Variants in KIAA1549L observed in about 807,000 individuals in gnomAD.
KIAA1549L encodes KIAA1549 like, also known as UPF0606 protein KIAA1549L.
KIAA1549L carries 88 observed loss-of-function variants against 160.7 expected under a neutral mutation model. The observed-to-expected ratio is 0.55, with a 90% confidence interval of 0.46 to 0.65. KIAA1549L has a LOEUF of 0.65. Among genes scored for constraint, KIAA1549L ranks in the 30% least tolerant of loss-of-function variants. The probability of loss-of-function intolerance (pLI) is 0.00; values close to 1 mark genes in which losing one functional copy is unlikely to be tolerated. For missense variants in KIAA1549L, 2,258 were observed against 2,437.5 expected, an observed-to-expected ratio of 0.93 and a Z score of 1.55; for synonymous variants, 950 against 976.7, an observed-to-expected ratio of 0.97 and a Z score of 0.51.
At chr11:33,595,604 C>T (rs981187105) in intron 12 of KIAA1549L, among the ~76,000 whole-genome samples, 6 of 152,148 alleles carry the variant, frequency 3.9e-5, no homozygotes, top group Non-Finnish European at 8.8e-5. Context: ...TAAGAGAAAC[C>T]TCCTCTCTGT....
intron 16 of KIAA1549L, among the ~76,000 whole-genome samples, chr11:33,630,185 C>T (rs1187183507): frequency 0.01 from 1,557 of 149,166 alleles, 31 homozygotes; most frequent in African/African-American, 0.034. Flanking sequence ...CTCTTCAAAG[C>T]TGTCAGACCG....
chr11:33,575,321 T>A (rs1427612368), intron 10 of KIAA1549L, among the ~76,000 whole-genome samples: 2 of 152,138 alleles, frequency 1.3e-5, no homozygotes, highest in African/African-American at 4.8e-5. Flanking sequence ...GCACACAACA[T>A]AGGAAAGTGC....
intron 5 of KIAA1549L, 150 bp from the exon 6 acceptor site, chr11:33,551,958 A>C: frequency 1.2e-6 from 1 of 859,576 alleles, no homozygotes. Context: ...GCCACTTTCA[A>C]AACTACAAGC....
At chr11:33,384,741 C>A (rs1018720039) in intron 1 of KIAA1549L, among the ~76,000 whole-genome samples, 10 of 152,094 alleles carry the variant, frequency 6.6e-5, no homozygotes, top group Non-Finnish European at 1.3e-4. Flanking sequence ...CATGTTCTTA[C>A]TTGCCATCTA....
intron 1 of KIAA1549L, among the ~76,000 whole-genome samples, chr11:33,474,915 T>G (rs1417667244): frequency 1.3e-5 from 2 of 152,190 alleles, no homozygotes; most frequent in Non-Finnish European, 2.9e-5. Flanking sequence ...AGACTTTTTT[T>G]GTTAATTAAG....
intron 1 of KIAA1549L, among the ~76,000 whole-genome samples, chr11:33,516,236 C>G (rs1392274468): frequency 1.6e-5 from 1 of 61,048 alleles, no homozygotes; most frequent in East Asian, 4.3e-4. Flanking sequence ...ACTGCAAGCT[C>G]CGCCTCTCGG....
chr11:33,485,466 T>A (rs1281271515), intron 1 of KIAA1549L, among the ~76,000 whole-genome samples: 3 of 152,216 alleles, frequency 2.0e-5, no homozygotes, highest in Non-Finnish European at 2.9e-5. Context: ...AGTATCTATT[T>A]GTTTTTTAAA....
At chr11:33,424,246 A>C (rs1445220127) in intron 1 of KIAA1549L, among the ~76,000 whole-genome samples, 1 of 152,196 alleles carries the variant, frequency 6.6e-6, no homozygotes, top group East Asian at 1.9e-4. Context: ...CCAGAGAATG[A>C]TAACATCTGC....
rs1852056887 is a variant in KIAA1549L, at chr11:33,656,121, C to G, written c.5858+12C>G. 1.9e-6 allele frequency: 3 copies of G among 1,601,588 alleles called. No homozygotes were observed. The highest frequency in any genetic ancestry group is 2.6e-6 in the Non-Finnish European group (3 of 1,169,514). On this transcript the variant is annotated intron_variant, in intron 18 of 20. Coordinates refer to ENST00000658780, the MANE Select transcript of KIAA1549L (RefSeq NM_012194.3). ...GCTTCTCTCAGGCGGTAACACGTTC[C>G]TTTCTTTGTTTTGTTTGGAATATTT...
At chr11:33,391,070 G>C (rs1213225786) in intron 1 of KIAA1549L, among the ~76,000 whole-genome samples, 1 of 152,234 alleles carries the variant, frequency 6.6e-6, no homozygotes, top group Admixed American at 6.5e-5. Context: ...TCAAGGTAGA[G>C]AGGATGGGAG....
chr11:33,458,514 T>C (rs1298755994), intron 1 of KIAA1549L, among the ~76,000 whole-genome samples: 1 of 152,172 alleles, frequency 6.6e-6, no homozygotes, highest in Admixed American at 6.5e-5. Context: ...CCTGCAATGA[T>C]GGGCAGGCTC....
chr11:33,574,946 A>G (rs2133249048), intron 10 of KIAA1549L, 73 bp downstream of exon 10: 1 of 1,307,556 alleles, frequency 7.6e-7, no homozygotes, highest in East Asian at 2.3e-5. Context: ...ATGATTCCCC[A>G]AAATCATGTT....
chr11:33,444,849 C>T (rs1347836840), intron 1 of KIAA1549L, among the ~76,000 whole-genome samples: 2 of 152,180 alleles, frequency 1.3e-5, no homozygotes, highest in Non-Finnish European at 2.9e-5. Flanking sequence ...ATTGGAGGGT[C>T]TTCCTGCAGT....
At chr11:33,549,305 G>C (rs1381511602) in intron 4 of KIAA1549L, among the ~76,000 whole-genome samples, 1 of 152,186 alleles carries the variant, frequency 6.6e-6, no homozygotes, top group African/African-American at 2.4e-5. Context: ...GTTAAATTCA[G>C]GCTAGAGGTT....
rs367711015 is a variant in KIAA1549L at position 33,495,083 on chromosome 11, T to TTTATTATTA, written c.239-46707_239-46699dup. 2.1e-3 allele frequency among the ~76,000 whole-genome samples: 318 copies of TTTATTATTA among 152,014 alleles called. 2 individuals carry two copies. The South Asian group carries it at 0.024, about 12-fold the overall frequency. ...CAGAAGTTAGAATGGCATTTGCTAC[T>TTTATTATTA]TTATTATTATTATTATTATTTTAAT... is the stretch of plus-strand genomic sequence containing the variant. On this transcript the variant is annotated intron_variant, in intron 1 of 20. Coordinates refer to ENST00000658780, the MANE Select transcript of KIAA1549L (RefSeq NM_012194.3).
chr11:33,656,547 T>C (rs535813195), intron 18 of KIAA1549L, among the ~76,000 whole-genome samples: 14 of 152,330 alleles, frequency 9.2e-5, no homozygotes, highest in African/African-American at 3.4e-4. Flanking sequence ...TGAAAATGTA[T>C]GAAGTCAGAT....
intron 1 of KIAA1549L, chr11:33,403,350 CAG>C (rs1326727607): frequency 2.2e-5 from 2 of 88,988 alleles, no homozygotes; most frequent in African/African-American, 1.0e-4. Context: ...GACACGCAGA[CAG>C]ACACACACAG....
intron 1 of KIAA1549L, among the ~76,000 whole-genome samples, chr11:33,438,565 C>T (rs1470694198): frequency 1.3e-5 from 2 of 152,196 alleles, no homozygotes; most frequent in Non-Finnish European, 2.9e-5. Context: ...CAGCAATCCC[C>T]GGCCAAGGAG....
chr11:33,659,279 G>A (rs1852182405), intron 19 of KIAA1549L, among the ~76,000 whole-genome samples: 1 of 152,108 alleles, frequency 6.6e-6, no homozygotes, highest in Non-Finnish European at 1.5e-5. Context: ...TGCCACATAT[G>A]TATGTTTATA....
Sources: gnomAD v4.1 joint callset for allele counts (sites outside exome capture counted in the v4.1 genomes callset) on GRCh38, gnomAD v4.1.1 for gene constraint, MANE v1.5 for transcripts, NCBI Gene and HGNC (gene_info 2026-07-23, HGNC 2026-07-21) for gene names.